The following PIEZO2 variants were observed in gnomAD, a reference collection of about 807,000 sequenced individuals.
The protein encoded by PIEZO2 is piezo-type mechanosensitive ion channel component 2.
In PIEZO2, 172 loss-of-function variants were observed where a neutral mutation model predicts 337.3. That is an observed-to-expected ratio of 0.51 (90% CI 0.45 to 0.58). The LOEUF (loss-of-function observed/expected upper bound fraction) is 0.58, where lower values mean the gene tolerates loss of function less well. Ranked by LOEUF, PIEZO2 falls within the 20% of genes least tolerant of loss-of-function variation. The pLI, the probability that PIEZO2 is intolerant of heterozygous loss-of-function variation, is 0.00. For synonymous variants in PIEZO2, 1,251 were observed against 1,228.5 expected (o/e 1.02, Z -0.38); for missense variants, 3,028 against 3,391.3 (o/e 0.89, Z 2.66).
rs1455000612 is a variant in PIEZO2 at position 11,097,338 on chromosome 18, G to C, written c.65-31116C>G. On this transcript the variant is annotated intron_variant, in intron 1 of 55. Coordinates refer to ENST00000674853, the MANE Select transcript of PIEZO2 (RefSeq NM_001378183.1). The surrounding 1 kb of genome is among the most constrained non-coding windows in gnomAD (Gnocchi z 5.0). ...CTTCTTCTAAGTATTTTCTATGGCT[G>C]TTTCTGCAGTTCAATGGCAAAGTCT... Among the ~76,000 whole-genome samples the C allele has an allele frequency of 6.6e-6, 1 of 152,222 alleles. No homozygotes were observed. The highest frequency in any genetic ancestry group is 1.5e-5 in the Non-Finnish European group (1 of 68,050).
Position 11,083,425 on chromosome 18 carries a change from T to A in PIEZO2, c.65-17203A>T, listed in dbSNP as rs1297983693. Reference sequence around the variant, plus strand: ...GCGTAGAATGAGAGATCCGAAGGAGTCCAGGTAAGGGCAGAAATGCTCTCC... The same window carrying A: ...GCGTAGAATGAGAGATCCGAAGGAGACCAGGTAAGGGCAGAAATGCTCTCC... On this transcript the variant is annotated intron_variant, in intron 1 of 55. Coordinates refer to ENST00000674853, the MANE Select transcript of PIEZO2 (RefSeq NM_001378183.1). This position sits in a 1 kb window ranked among gnomAD's most constrained non-coding sequence, Gnocchi z 4.4. 6.6e-6 allele frequency among the ~76,000 whole-genome samples: 1 copy of A among 152,070 alleles called. No individual in the cohort carries two copies. The highest frequency in any genetic ancestry group is 1.5e-5 in the Non-Finnish European group (1 of 68,006).
Position 10,682,650 on chromosome 18 carries a change from ATG to A in PIEZO2, c.7498-360_7498-359del, listed in dbSNP as rs1388313845. Among the ~76,000 whole-genome samples, 4 of 152,188 alleles carry A rather than the reference ATG, an allele frequency of 2.6e-5. No individual in the cohort carries two copies. Among genetic ancestry groups the A allele is most frequent in the Non-Finnish European group, 5.9e-5 (4 of 68,046 alleles). On this transcript the variant is annotated intron_variant, in intron 49 of 55. Transcript: ENST00000674853. The surrounding 1 kb of genome is among the most constrained non-coding windows in gnomAD (Gnocchi z 5.6). ...ATGAACCTTCTGGTTTTAAGGGATT[ATG>A]TGAGAGAAAGATACTTTACTTTCAA...
intron 7 of PIEZO2, among the ~76,000 whole-genome samples, chr18:10,843,637 G>T (rs2041261225): frequency 1.3e-5 from 2 of 152,144 alleles, no homozygotes; most frequent in Non-Finnish European, 2.9e-5. Flanking sequence ...AATGTAGAAA[G>T]GGTAATTTTT....
chr18:10,757,369 T>G, intron 27 of PIEZO2, among the ~76,000 whole-genome samples: 1 of 132,508 alleles, frequency 7.5e-6, no homozygotes, highest in Non-Finnish European at 1.6e-5. Flanking sequence ...TGAGGAGGGA[T>G]GGGGATAAGA....
chr18:11,060,692 C>T (rs2037917138), intron 2 of PIEZO2, among the ~76,000 whole-genome samples: 1 of 152,108 alleles, frequency 6.6e-6, no homozygotes, highest in African/African-American at 2.4e-5. Context: ...ATACACCCTC[C>T]CAAGACTAAA....
At position 10,726,448 on chromosome 18, in the gene PIEZO2, C is replaced by G; in HGVS notation, c.5029+4959G>C. 6.5e-7 allele frequency: 1 copy of G among 1,529,722 alleles called. No individual in the cohort carries two copies. Among genetic ancestry groups the G allele is most frequent in the South Asian group, 1.2e-5 (1 of 83,246 alleles). 94.8% of individuals were successfully genotyped at this position (1,529,722 alleles called of 1,614,324 possible). A position where few individuals can be genotyped will look rare whatever the true frequency, so the allele number is the denominator to read the frequency against. The stretch of plus-strand genomic sequence containing the variant: ...GGCCGGCTGCGGTACGGGCTACGGC[C>G]GGCGAACCCCACGAGGAGGGCCTGG... On this transcript the variant is annotated intron_variant, in intron 36 of 55. Transcript: ENST00000674853. This position sits in a 1 kb window ranked among gnomAD's most constrained non-coding sequence, Gnocchi z 5.9.
intron 2 of PIEZO2, among the ~76,000 whole-genome samples, chr18:11,005,018 G>A (rs544948898): frequency 6.6e-6 from 1 of 152,298 alleles, no homozygotes; most frequent in East Asian, 1.9e-4. Context: ...AATGAAAAAA[G>A]GTGATCCCTA....
intron 3 of PIEZO2, among the ~76,000 whole-genome samples, chr18:10,975,196 T>G (rs1216903076): frequency 6.6e-6 from 1 of 152,226 alleles, no homozygotes; most frequent in Non-Finnish European, 1.5e-5. Flanking sequence ...AAAGTTTCTT[T>G]CAATGAATAG....
chr18:11,142,936 G>A (rs569583164), intron 1 of PIEZO2, among the ~76,000 whole-genome samples: 2 of 152,164 alleles, frequency 1.3e-5, no homozygotes, highest in South Asian at 2.1e-4. Context: ...AAAATTAGCC[G>A]GGTGTGGTGG....
At chr18:10,810,454 G>A (rs1435088700) in intron 7 of PIEZO2, among the ~76,000 whole-genome samples, 1 of 152,092 alleles carries the variant, frequency 6.6e-6, no homozygotes, top group East Asian at 1.9e-4. Context: ...TCTGCACATT[G>A]TGACAGCTGC....
At chr18:10,770,436 A>G (rs1417355352) in intron 20 of PIEZO2, 128 bp from the exon 21 acceptor site, 2 of 902,474 alleles carry the variant, frequency 2.2e-6, no homozygotes, top group Non-Finnish European at 1.6e-6. Context: ...TTCTAAGAAA[A>G]CCAAAATCTG....
chr18:10,770,330 C>T (rs1366818293), intron 20 of PIEZO2, 22 bp from the exon 21 acceptor site: 1 of 1,520,384 alleles, frequency 6.6e-7, no homozygotes, highest in East Asian at 2.5e-5. Context: ...GAAGTACAGA[C>T]AAGAGCATAA....
intron 3 of PIEZO2, among the ~76,000 whole-genome samples, chr18:10,968,952 C>T (rs2034126278): frequency 6.6e-6 from 1 of 152,110 alleles, no homozygotes. Flanking sequence ...CAAATCCAAA[C>T]TCCTGATTCT....
rs114596818 is a variant in PIEZO2 at position 10,877,821 on chromosome 18, C to T, written c.330-6406G>A. On this transcript the variant is annotated intron_variant, in intron 4 of 55. Transcript: ENST00000674853. The surrounding 1 kb of genome is among the most constrained non-coding windows in gnomAD (Gnocchi z 5.3). ...CCCAGGAAACATCCACATTCCTAAGCGTGACAAGGGGCCCTCCACATCCCA... is the reference window on the plus strand; with the variant it reads ...CCCAGGAAACATCCACATTCCTAAGTGTGACAAGGGGCCCTCCACATCCCA... 0.014 allele frequency among the ~76,000 whole-genome samples: 2,089 copies of T among 152,270 alleles called. 53 individuals carry two copies. Among genetic ancestry groups the T allele is most frequent in the African/African-American group, 0.048 (1,977 of 41,546 alleles).
Position 10,794,490 on chromosome 18 carries a change from T to C in PIEZO2, c.1758+282A>G, listed in dbSNP as rs1232340775. Among the ~76,000 whole-genome samples, 1 of 152,226 alleles carries C rather than the reference T, an allele frequency of 6.6e-6. No individual in the cohort carries two copies. Among genetic ancestry groups the C allele is most frequent in the Non-Finnish European group, 1.5e-5 (1 of 68,044 alleles). On this transcript the variant is annotated intron_variant, in intron 13 of 55. Coordinates refer to ENST00000674853, the MANE Select transcript of PIEZO2 (RefSeq NM_001378183.1). This position sits in a 1 kb window ranked among gnomAD's most constrained non-coding sequence, Gnocchi z 6.6. ...TCCTATTTTCACACCTAATTTTTAC[T>C]CTAGTAGGATTTATACTTAAAAACA...
chr18:11,021,142 ATCATGAAAGAAAC>A lies in PIEZO2; in HGVS notation c.161-41495_161-41483del, dbSNP rs1323612881. ...CTGGACTATGATTCTCTTCCGTTAC[ATCATGAAAGAAAC>A]TCTAGTCATCTCCACCGGTTCTCCA... On this transcript the variant is annotated intron_variant, in intron 2 of 55. Transcript: ENST00000674853. This position sits in a 1 kb window ranked among gnomAD's most constrained non-coding sequence, Gnocchi z 4.7. Among the ~76,000 whole-genome samples the A allele has an allele frequency of 1.3e-5, 2 of 152,132 alleles. No individual in the cohort carries two copies. The highest frequency in any genetic ancestry group is 2.9e-5 in the Non-Finnish European group (2 of 68,020).
rs376764736 is a variant in PIEZO2 at position 11,086,364 on chromosome 18, C to T, written c.65-20142G>A. On this transcript the variant is annotated intron_variant, in intron 1 of 55. Coordinates refer to ENST00000674853, the MANE Select transcript of PIEZO2 (RefSeq NM_001378183.1). ...TGAAACCCCGTCTCGACTAAAAATA[C>T]AAAAAATTAGCCGGGCGTGGTGCGG... is the stretch of plus-strand genomic sequence containing the variant. Among the ~76,000 whole-genome samples the T allele has an allele frequency of 5.3e-5, 8 of 151,846 alleles. No homozygotes were observed. In the East Asian group the frequency reaches 1.2e-3, roughly 22 times the overall value.
At chr18:10,981,845 G>T (rs919374756) in intron 2 of PIEZO2, among the ~76,000 whole-genome samples, 4 of 152,168 alleles carry the variant, frequency 2.6e-5, no homozygotes, top group African/African-American at 9.7e-5. Context: ...GATGCTTCCT[G>T]CCCTTGAACA....
chr18:11,055,965 G>A (rs1485187130), intron 2 of PIEZO2, among the ~76,000 whole-genome samples: 1 of 152,204 alleles, frequency 6.6e-6, no homozygotes, highest in Non-Finnish European at 1.5e-5. Flanking sequence ...AAGACCTTCC[G>A]AGATCTGGTT....
Sources: gnomAD v4.1 joint callset for allele counts (sites outside exome capture counted in the v4.1 genomes callset) on GRCh38, gnomAD v4.1.1 for gene constraint, Gnocchi (gnomAD v3.1) non-coding constraint, MANE v1.5 for transcripts, NCBI Gene and HGNC (gene_info 2026-07-23, HGNC 2026-07-21) for gene names.